Variants in PACRG observed in about 807,000 individuals in gnomAD.
The protein encoded by PACRG is parkin coregulated, also known as parkin coregulated gene protein.
Under a neutral mutation model 29.7 loss-of-function variants are expected in PACRG, and 29 were observed. That is an observed-to-expected ratio of 0.98 (90% CI 0.73 to 1.33). The LOEUF (loss-of-function observed/expected upper bound fraction) is 1.33, where lower values mean the gene tolerates loss of function less well. PACRG is among the 40% of genes most tolerant of loss of function. The pLI is 0.00. For missense variants in PACRG, 279 were observed against 316.2 expected, an observed-to-expected ratio of 0.88 and a Z score of 0.89; for synonymous variants, 116 against 118.7, an observed-to-expected ratio of 0.98 and a Z score of 0.15.
At chr6:162,920,922 G>A (rs889340835) in intron 2 of PACRG, among the ~76,000 whole-genome samples, 17 of 152,074 alleles carry the variant, frequency 1.1e-4, no homozygotes, top group African/African-American at 3.4e-4. Flanking sequence ...AATAAATGCT[G>A]TTCATATTAT....
intron 2 of PACRG, among the ~76,000 whole-genome samples, chr6:162,820,264 A>G (rs4709654): frequency 0.068 from 10,316 of 152,220 alleles, 468 homozygotes; most frequent in East Asian, 0.28. Context: ...TTGACTGACA[A>G]TTCCATTCAG....
At chr6:163,106,882 T>G (rs947504663) in intron 4 of PACRG, among the ~76,000 whole-genome samples, 1 of 152,206 alleles carries the variant, frequency 6.6e-6, no homozygotes, top group Non-Finnish European at 1.5e-5. Flanking sequence ...AAATGCTCTT[T>G]AGAAAGAAGA....
chr6:162,729,525 T>C (rs1048649822), intron 1 of PACRG, among the ~76,000 whole-genome samples: 1 of 152,162 alleles, frequency 6.6e-6, no homozygotes, highest in African/African-American at 2.4e-5. Flanking sequence ...TAGTTAAAAT[T>C]CTTGGAAATG....
chr6:163,239,357 T>C (rs529434244), intron 4 of PACRG, among the ~76,000 whole-genome samples: 1 of 152,272 alleles, frequency 6.6e-6, no homozygotes, highest in East Asian at 1.9e-4. Flanking sequence ...TCTTCTTCTT[T>C]TATCATAATA....
chr6:163,183,022 A>C (rs1216911438), intron 4 of PACRG: 1 of 152,254 alleles, frequency 6.6e-6, no homozygotes, highest in Non-Finnish European at 1.5e-5. Context: ...GCAGTCTTGA[A>C]ACTATGTGGG....
intron 3 of PACRG, among the ~76,000 whole-genome samples, chr6:163,064,137 G>A (rs1452580826): frequency 9.3e-5 from 14 of 151,306 alleles, no homozygotes; most frequent in Admixed American, 9.2e-4. Context: ...CCTTCTCAGG[G>A]GTCTCTCCCT....
intron 1 of PACRG, among the ~76,000 whole-genome samples, chr6:162,770,903 C>T (rs2128302202): frequency 6.6e-6 from 1 of 152,090 alleles, no homozygotes; most frequent in Middle Eastern, 3.4e-3. Flanking sequence ...GTTTGATAGG[C>T]TTAAGTTTAT....
At chr6:163,183,462 TG>T (rs776704150) in intron 4 of PACRG, 1 of 152,090 alleles carries the variant, frequency 6.6e-6, no homozygotes, top group Non-Finnish European at 1.5e-5. Context: ...ATGAAGAGTG[TG>T]TGTTGACTCT....
At chr6:163,049,060 G>T (rs1030278880) in intron 2 of PACRG, among the ~76,000 whole-genome samples, 1 of 151,858 alleles carries the variant, frequency 6.6e-6, no homozygotes, top group Non-Finnish European at 1.5e-5. Context: ...GCAAATTATG[G>T]TAATAATAAT....
At chr6:162,867,906 C>A (rs1309436529) in intron 2 of PACRG, among the ~76,000 whole-genome samples, 3 of 152,146 alleles carry the variant, frequency 2.0e-5, no homozygotes, top group African/African-American at 7.2e-5. Flanking sequence ...TCTCTATAAC[C>A]CATTACTTTG....
chr6:162,910,556 GA>G (rs1328904963), intron 2 of PACRG, among the ~76,000 whole-genome samples: 6 of 151,378 alleles, frequency 4.0e-5, no homozygotes, highest in African/African-American at 9.7e-5. Flanking sequence ...CATTTGAATT[GA>G]AAAAAAACCA....
intron 2 of PACRG, among the ~76,000 whole-genome samples, chr6:162,825,755 C>T (rs1478820294): frequency 1.3e-5 from 2 of 152,212 alleles, no homozygotes; most frequent in East Asian, 1.9e-4. Context: ...TGAAGGCACC[C>T]GTGTGCTGTG....
At chr6:162,730,323 G>A (rs907773784) in intron 1 of PACRG, among the ~76,000 whole-genome samples, 1 of 152,210 alleles carries the variant, frequency 6.6e-6, no homozygotes, top group East Asian at 1.9e-4. Flanking sequence ...ATTATAAGGT[G>A]AAAATGTCCT....
At chr6:163,257,582 A>G (rs1195642578) in intron 4 of PACRG, among the ~76,000 whole-genome samples, 2 of 152,216 alleles carry the variant, frequency 1.3e-5, no homozygotes, top group African/African-American at 2.4e-5. Context: ...AATATCTCAT[A>G]GAGTTAATCC....
intron 1 of PACRG, among the ~76,000 whole-genome samples, chr6:162,781,687 ATCACTTGAAAG>A (rs140481342): frequency 0.22 from 32,998 of 151,506 alleles, 4,312 homozygotes; most frequent in African/African-American, 0.33. Flanking sequence ...ATAGTATACT[ATCACTTGAAAG>A]TAGACAGTGA....
At chr6:162,862,453 G>T (rs1057063401) in intron 2 of PACRG, among the ~76,000 whole-genome samples, 1 of 152,186 alleles carries the variant, frequency 6.6e-6, no homozygotes, top group African/African-American at 2.4e-5. Flanking sequence ...AGGCAACGGG[G>T]ATGCATTTAG....
intron 4 of PACRG, among the ~76,000 whole-genome samples, chr6:163,257,006 G>T (rs1216711944): frequency 2.6e-5 from 4 of 151,904 alleles, no homozygotes; most frequent in African/African-American, 7.3e-5. Context: ...AATCTCTGCC[G>T]CCATCTTCAC....
intron 3 of PACRG, among the ~76,000 whole-genome samples, chr6:163,084,146 G>A (rs1813326113): frequency 6.6e-6 from 1 of 152,090 alleles, no homozygotes; most frequent in African/African-American, 2.4e-5. Context: ...TATAATGTCA[G>A]TAGACTCCTC....
intron 4 of PACRG, among the ~76,000 whole-genome samples, chr6:163,269,902 G>GAAAGAAAGAAAAC (rs1783707712): frequency 4.7e-5 from 3 of 64,070 alleles, no homozygotes; most frequent in African/African-American, 1.9e-4. Flanking sequence ...AACAAAGAAA[G>GAAAGAAAGAAAAC]AAAGAAAGAA....
Sources: gnomAD v4.1 joint callset for allele counts (sites outside exome capture counted in the v4.1 genomes callset) on GRCh38, gnomAD v4.1.1 for gene constraint, MANE v1.5 for transcripts, NCBI Gene and HGNC (gene_info 2026-07-23, HGNC 2026-07-21) for gene names.